Variants in ADRA1A observed in about 807,000 individuals in gnomAD.
ADRA1A encodes alpha-1A adrenergic receptor.
Under a neutral mutation model 29.6 loss-of-function variants are expected in ADRA1A, and 31 were observed. The ratio of observed to expected loss-of-function variants is 1.05; its 90% CI spans 0.79 to 1.41. The LOEUF is 1.41. ADRA1A is among the 40% of genes most tolerant of loss of function. ADRA1A has a pLI of 0.00. For missense variants in ADRA1A, 619 were observed against 601.1 expected (o/e 1.03, Z -0.31); for synonymous variants, 311 against 254.3 (o/e 1.22, Z -2.12).
chr8:26,856,074 C>G (rs2030461034), intron 2 of ADRA1A, among the ~76,000 whole-genome samples: 1 of 152,202 alleles, frequency 6.6e-6, no homozygotes, highest in African/African-American at 2.4e-5. Context: ...GAGCCTGCAG[C>G]ACGTTCTTTT....
Position 26,760,791 on chromosome 8 carries a change from C to T in ADRA1A, c.1270-4012G>A, listed in dbSNP as rs577095822. 6.7e-4 allele frequency among the ~76,000 whole-genome samples: 102 copies of T among 152,350 alleles called. 1 individual carries two copies. The highest frequency in any genetic ancestry group is 2.0e-3 in the African/African-American group (84 of 41,580). ...TGGGTAAGCATATGCCCACCTGACT[C>T]GAGATGGCTGTGATTCCCCACTGCT... On this transcript the variant is annotated intron_variant, in intron 2 of 2. Coordinates refer to the ADRA1A transcript ENST00000380582.
At chr8:26,863,119 T>C (rs1295799571) in intron 2 of ADRA1A, among the ~76,000 whole-genome samples, 1 of 152,236 alleles carries the variant, frequency 6.6e-6, no homozygotes, top group African/African-American at 2.4e-5. Flanking sequence ...TGGACTTTTA[T>C]TAATGTTAGG....
At chr8:26,852,115 A>T (rs1040792718) in intron 2 of ADRA1A, among the ~76,000 whole-genome samples, 4 of 152,188 alleles carry the variant, frequency 2.6e-5, no homozygotes. Context: ...TTTCAAATGA[A>T]CAAACAACAA....
chr8:26,854,419 GGGGC>G (rs1432243793), intron 2 of ADRA1A: 6 of 96,368 alleles, frequency 6.2e-5, no homozygotes. Context: ...AAGTTAAAGC[GGGGC>G]GGGGGGGGGG....
intron 2 of ADRA1A, among the ~76,000 whole-genome samples, chr8:26,859,553 CTG>C (rs1157181999): frequency 6.6e-6 from 1 of 152,122 alleles, no homozygotes; most frequent in African/African-American, 2.4e-5. Context: ...CTTGAGGGCA[CTG>C]TGTTTTATTC....
At chr8:26,822,815 C>A (rs574414095) in intron 2 of ADRA1A, among the ~76,000 whole-genome samples, 2 of 152,068 alleles carry the variant, frequency 1.3e-5, no homozygotes, top group Non-Finnish European at 1.5e-5. Context: ...AACTTACAAT[C>A]GTGGTGGAAG....
In ADRA1A at chr8:26,867,259, A is replaced by G. The variant is rs1300910506; in HGVS notation, c.-1010T>C. On this transcript the variant is annotated 5_prime_UTR_variant, in exon 1 of 3. Transcript: ENST00000380573. Reference sequence around the variant, plus strand: ...AGAAAAGAATAGCAAGGAACTTTGCAGCTCTCGCTGACGTAACTCAGGCAG... The same window carrying G: ...AGAAAAGAATAGCAAGGAACTTTGCGGCTCTCGCTGACGTAACTCAGGCAG... The G allele has an allele frequency of 4.1e-6, 4 of 985,370 alleles. No individual in the cohort carries two copies. The highest frequency in any genetic ancestry group is 4.8e-6 in the Non-Finnish European group (4 of 829,968). 61.0% of individuals were successfully genotyped at this position (985,370 alleles called of 1,614,324 possible).
chr8:26,809,341 C>G (rs1035136929), intron 2 of ADRA1A, among the ~76,000 whole-genome samples: 63 of 152,262 alleles, frequency 4.1e-4, no homozygotes, highest in African/African-American at 1.5e-3. Context: ...GGCCCAGCAC[C>G]TCTGAGAAGT....
At chr8:26,780,860 A>C (rs996236688) in intron 2 of ADRA1A, among the ~76,000 whole-genome samples, 3 of 152,234 alleles carry the variant, frequency 2.0e-5, no homozygotes, top group African/African-American at 7.2e-5. Context: ...TCCTTATGAG[A>C]ATCTAATGCC....
intron 2 of ADRA1A, chr8:26,854,710 GAGTCAT>G (rs1211989024): frequency 6.6e-6 from 1 of 152,282 alleles, no homozygotes; most frequent in African/African-American, 2.4e-5. Flanking sequence ...GGAAACAATG[GAGTCAT>G]AGTCAAACCC....
rs750821384 is a variant in ADRA1A, at chr8:26,860,485, A to G, written c.883+3602T>C. ...CAACCCTCCTTCCCGCTGTACTTTA[A>G]TGTTATGACCGTAAATCTCAGATAG... On this transcript the variant is annotated intron_variant, in intron 2 of 2. Coordinates refer to ENST00000380573, the MANE Select transcript of ADRA1A (RefSeq NM_000680.4). This position sits in a 1 kb window ranked among gnomAD's most constrained non-coding sequence, Gnocchi z 4.7. Among the ~76,000 whole-genome samples the G allele has an allele frequency of 6.6e-6, 1 of 152,118 alleles. No homozygotes were observed. Among genetic ancestry groups the G allele is most frequent in the Non-Finnish European group, 1.5e-5 (1 of 68,022 alleles).
chr8:26,833,004 A>G (rs1342776339), intron 2 of ADRA1A, among the ~76,000 whole-genome samples: 1 of 152,252 alleles, frequency 6.6e-6, no homozygotes, highest in African/African-American at 2.4e-5. Context: ...GAAGGGACAC[A>G]GAAGGCACAC....
chr8:26,765,001 C>T (rs1805699149), downstream of ADRA1A, among the ~76,000 whole-genome samples: 1 of 152,148 alleles, frequency 6.6e-6, no homozygotes, highest in Non-Finnish European at 1.5e-5. Context: ...AACTCCTGAG[C>T]CACACGAAAA....
chr8:26,814,280 G>A (rs1397732561), intron 2 of ADRA1A, among the ~76,000 whole-genome samples: 2 of 151,974 alleles, frequency 1.3e-5, no homozygotes, highest in Middle Eastern at 3.4e-3. Context: ...GTCTTGCTCT[G>A]TCGCCCAGGC....
At chr8:26,753,125 G>A (rs1804993861), downstream of ADRA1A, among the ~76,000 whole-genome samples, 1 of 152,166 alleles carries the variant, frequency 6.6e-6, no homozygotes. Flanking sequence ...GTAGCCCTGA[G>A]GCTTTCAGGT....
In ADRA1A at chr8:26,796,927, G is replaced by T. The variant is rs116464434; in HGVS notation, c.884-26261C>A. 0.017 allele frequency among the ~76,000 whole-genome samples: 2,631 copies of T among 152,080 alleles called. 69 individuals carry two copies. The highest frequency in any genetic ancestry group is 0.057 in the African/African-American group (2,377 of 41,474). ...CGCAAATTTTTATAGAGATGAGACT[G>T]GAATTGAGAGTGAAATGAAGGGAGT... is the stretch of plus-strand genomic sequence containing the variant. On this transcript the variant is annotated intron_variant, in intron 2 of 2. Transcript: ENST00000380573. This position sits in a 1 kb window ranked among gnomAD's most constrained non-coding sequence, Gnocchi z 5.0.
In ADRA1A at chr8:26,779,959, A is replaced by G. The variant is rs529122354; in HGVS notation, c.884-9293T>C. Among the ~76,000 whole-genome samples, 3 of 152,268 alleles carry G rather than the reference A, an allele frequency of 2.0e-5. No homozygotes were observed. In the East Asian group the frequency reaches 5.8e-4, roughly 29 times the overall value. ...ATGGAAAGGGAAGAAACCATGGGGG[A>G]AAATTCCCAGAAATAACTAAAGGGA... is the stretch of plus-strand genomic sequence containing the variant. On this transcript the variant is annotated intron_variant, in intron 2 of 2. Coordinates refer to ENST00000380573, the MANE Select transcript of ADRA1A (RefSeq NM_000680.4).
At chr8:26,792,403 T>G (rs1451055936) in intron 2 of ADRA1A, among the ~76,000 whole-genome samples, 1 of 152,092 alleles carries the variant, frequency 6.6e-6, no homozygotes, top group Non-Finnish European at 1.5e-5. Context: ...CCTTGCCAGG[T>G]AAGAAAACAG....
intron 2 of ADRA1A, among the ~76,000 whole-genome samples, chr8:26,776,380 T>C (rs1004144158): frequency 3.3e-5 from 5 of 152,232 alleles, no homozygotes; most frequent in Non-Finnish European, 7.3e-5. Flanking sequence ...ACTTGACATC[T>C]TAATGACAAC....
Sources: gnomAD v4.1 joint callset for allele counts (sites outside exome capture counted in the v4.1 genomes callset) on GRCh38, gnomAD v4.1.1 for gene constraint, Gnocchi (gnomAD v3.1) non-coding constraint, MANE v1.5 for transcripts, NCBI Gene and HGNC (gene_info 2026-07-23, HGNC 2026-07-21) for gene names.